The following ERC2 variants were observed in gnomAD, a reference collection of about 807,000 sequenced individuals.
The protein encoded by ERC2 is ERC protein 2.
In ERC2, 42 loss-of-function variants were observed where a neutral mutation model predicts 114.8. That is an observed-to-expected ratio of 0.37 (90% CI 0.29 to 0.47). ERC2 has a LOEUF of 0.47. Ranked by LOEUF, ERC2 falls within the 20% of genes least tolerant of loss-of-function variation. The pLI is 0.99. For synonymous variants in ERC2, 454 were observed against 425.5 expected, an observed-to-expected ratio of 1.07 and a Z score of -0.82; for missense variants, 939 against 1,150.7, an observed-to-expected ratio of 0.82 and a Z score of 2.66.
intron 15 of ERC2, among the ~76,000 whole-genome samples, chr3:55,729,217 C>G (rs372900039): frequency 6.6e-6 from 1 of 152,326 alleles, no homozygotes; most frequent in South Asian, 2.1e-4. Context: ...AACTCACTTC[C>G]TTGCCTCCTT....
At position 56,022,341 on chromosome 3, in the gene ERC2, C is replaced by CA. The variant is rs535442218; in HGVS notation, c.1642-3311dup. ...CCTCTTCATGCTTTTCTGCATCTGC[C>CA]AGTGTGTTTTCATTGAGTGTAAACA... On this transcript the variant is annotated intron_variant, in intron 7 of 17. Transcript: ENST00000288221. Among the ~76,000 whole-genome samples the CA allele has an allele frequency of 1.1e-4, 16 of 152,212 alleles. No individual in the cohort carries two copies. The South Asian group carries it at 3.3e-3, about 32-fold the overall frequency.
chr3:56,057,956 T>A (rs2076085109), intron 7 of ERC2, among the ~76,000 whole-genome samples: 1 of 152,234 alleles, frequency 6.6e-6, no homozygotes, highest in African/African-American at 2.4e-5. Context: ...TTAAATAACA[T>A]TACATAATGT....
At chr3:55,988,855 G>C (rs942438223) in intron 11 of ERC2, among the ~76,000 whole-genome samples, 2 of 152,216 alleles carry the variant, frequency 1.3e-5, no homozygotes, top group African/African-American at 4.8e-5. Flanking sequence ...GAATTTTGTA[G>C]TTTTATCCAG....
chr3:56,334,005 C>G (rs2057745667), intron 2 of ERC2, among the ~76,000 whole-genome samples: 1 of 152,122 alleles, frequency 6.6e-6, no homozygotes, highest in African/African-American at 2.4e-5. Flanking sequence ...TATGGTTTAC[C>G]ACAGTGCCTG....
At chr3:56,149,791 C>T (rs1575595299) in intron 4 of ERC2, among the ~76,000 whole-genome samples, 1 of 152,192 alleles carries the variant, frequency 6.6e-6, no homozygotes, top group African/African-American at 2.4e-5. Flanking sequence ...AACATGACTA[C>T]CTTGCAGGGC....
At chr3:55,756,536 A>G (rs1271463598) in intron 14 of ERC2, among the ~76,000 whole-genome samples, 1 of 152,160 alleles carries the variant, frequency 6.6e-6, no homozygotes, top group East Asian at 1.9e-4. Flanking sequence ...ATCTTTCTAA[A>G]ATTTCAAAAT....
intron 1 of ERC2, among the ~76,000 whole-genome samples, chr3:56,452,088 G>A (rs749745090): frequency 6.6e-6 from 1 of 152,176 alleles, no homozygotes; most frequent in Non-Finnish European, 1.5e-5. Context: ...AGAATTTAAG[G>A]CTTGTTTTTA....
At position 56,305,281 on chromosome 3, in the gene ERC2, A is replaced by C. The variant is rs1204383635; in HGVS notation, c.658-8846T>G. Among the ~76,000 whole-genome samples, 4 of 151,958 alleles carry C rather than the reference A, an allele frequency of 2.6e-5. No individual in the cohort carries two copies. The East Asian group carries it at 7.7e-4, about 29-fold the overall frequency. ...GAGATGATGCTTGCAATACATTAAA[A>C]TGACAAAAAATTATTATCAAGAATA... On this transcript the variant is annotated intron_variant, in intron 2 of 17. Transcript: ENST00000288221.
rs138762031 is a variant in ERC2, at chr3:55,666,317, C to T, written c.*39+17477G>A. Among the ~76,000 whole-genome samples, 491 of 152,302 alleles carry T rather than the reference C, an allele frequency of 3.2e-3. 3 individuals are homozygous for T. The highest frequency in any genetic ancestry group is 0.011 in the African/African-American group (469 of 41,572). Reference sequence around the variant, plus strand: ...ATCACCATCTCCTCCCTCTGTACCTCCACCTGCCATGCACACCTTGACTGT... The same window carrying T: ...ATCACCATCTCCTCCCTCTGTACCTTCACCTGCCATGCACACCTTGACTGT... On this transcript the variant is annotated intron_variant, in intron 17 of 17. Transcript: ENST00000288221.
At chr3:55,846,525 G>T (rs759626263) in intron 14 of ERC2, among the ~76,000 whole-genome samples, 1 of 152,274 alleles carries the variant, frequency 6.6e-6, no homozygotes, top group Admixed American at 6.5e-5. Flanking sequence ...TAATGAGATT[G>T]CTGGGTCAAA....
At chr3:56,289,919 C>T (rs904533662) in intron 3 of ERC2, among the ~76,000 whole-genome samples, 1 of 152,222 alleles carries the variant, frequency 6.6e-6, no homozygotes, top group Non-Finnish European at 1.5e-5. Context: ...TTACTTACCT[C>T]ACTCTGCCTC....
chr3:56,376,039 C>T (rs1272720506), intron 2 of ERC2, among the ~76,000 whole-genome samples: 1 of 152,138 alleles, frequency 6.6e-6, no homozygotes, highest in Non-Finnish European at 1.5e-5. Context: ...AGCTTAGAAG[C>T]AGATTCTTCC....
intron 12 of ERC2, among the ~76,000 whole-genome samples, chr3:55,972,643 A>G (rs960343568): frequency 4.6e-5 from 7 of 152,188 alleles, no homozygotes; most frequent in South Asian, 2.1e-4. Flanking sequence ...TCCATGGTGT[A>G]TATGTGTCAC....
intron 2 of ERC2, among the ~76,000 whole-genome samples, chr3:56,316,797 A>G (rs62253627): frequency 0.22 from 33,507 of 152,106 alleles, 4,322 homozygotes; most frequent in Non-Finnish European, 0.28. Flanking sequence ...TTTTTCAAAA[A>G]GAAACATTTT....
At chr3:56,023,537 C>T in intron 7 of ERC2, among the ~76,000 whole-genome samples, 1 of 152,128 alleles carries the variant, frequency 6.6e-6, no homozygotes, top group East Asian at 1.9e-4. Context: ...TAGATATCAG[C>T]ACACTCCTTG....
chr3:56,183,828 T>C (rs886336025), intron 3 of ERC2, among the ~76,000 whole-genome samples: 31 of 151,898 alleles, frequency 2.0e-4, no homozygotes, highest in African/African-American at 4.4e-4. Context: ...AGAGATGAGA[T>C]CCAAGAGGTA....
Position 56,405,489 on chromosome 3 carries a change from A to T in ERC2, c.657+28862T>A, listed in dbSNP as rs1012803492. ...TGGGCAGTAGCCCTGATCAAAGTCAATGTTCACACAGTATCTAAGCCTGTC... is the reference window on the plus strand; with the variant it reads ...TGGGCAGTAGCCCTGATCAAAGTCATTGTTCACACAGTATCTAAGCCTGTC... On this transcript the variant is annotated intron_variant, in intron 2 of 17. Transcript: ENST00000288221. 2.0e-5 allele frequency among the ~76,000 whole-genome samples: 3 copies of T among 152,194 alleles called. No individual in the cohort carries two copies. The South Asian group carries it at 6.2e-4, about 31-fold the overall frequency.
chr3:56,440,844 A>G (rs2062267879), intron 1 of ERC2, among the ~76,000 whole-genome samples: 1 of 152,198 alleles, frequency 6.6e-6, no homozygotes, highest in Non-Finnish European at 1.5e-5. Context: ...CCCACTTAAC[A>G]TAGATGCCAC....
At chr3:55,555,523 C>T (rs1032017244) in intron 17 of ERC2, among the ~76,000 whole-genome samples, 1 of 152,140 alleles carries the variant, frequency 6.6e-6, no homozygotes, top group Non-Finnish European at 1.5e-5. Flanking sequence ...TCACAGACGT[C>T]TCAGAAATAA....
Sources: gnomAD v4.1 joint callset for allele counts (sites outside exome capture counted in the v4.1 genomes callset) on GRCh38, gnomAD v4.1.1 for gene constraint, MANE v1.5 for transcripts, NCBI Gene and HGNC (gene_info 2026-07-23, HGNC 2026-07-21) for gene names.